PIK3CG: variants seen among roughly 807,000 people sequenced by gnomAD.
PIK3CG encodes phosphatidylinositol 4,5-bisphosphate 3-kinase catalytic subunit gamma isoform.
PIK3CG carries 55 observed loss-of-function variants against 102.3 expected under a neutral mutation model. The observed-to-expected ratio is 0.54, with a 90% CI of 0.43 to 0.67. The LOEUF (loss-of-function observed/expected upper bound fraction) is 0.67. Among genes scored for constraint, PIK3CG ranks in the 30% least tolerant of loss-of-function variants. PIK3CG has a pLI of 0.00. For synonymous variants in PIK3CG, 552 were observed against 540.0 expected (o/e 1.02, Z -0.31); for missense variants, 1,258 against 1,391.8 (o/e 0.90, Z 1.53).
At position 106,891,272 on chromosome 7, in the gene PIK3CG, C is replaced by T. The variant is rs1791255836; in HGVS notation, c.3030+4980C>T. Among the ~76,000 whole-genome samples, 1 of 152,208 alleles carries T rather than the reference C, an allele frequency of 6.6e-6. No homozygotes were observed. Among genetic ancestry groups the T allele is most frequent in the Non-Finnish European group, 1.5e-5 (1 of 68,038 alleles). On this transcript the variant is annotated intron_variant, in intron 10 of 10. Transcript: ENST00000496166. This position sits in a 1 kb window ranked among gnomAD's most constrained non-coding sequence, Gnocchi z 4.4. ...GTATTCTGTGAGTTTCACAATAACT[C>T]AGGCCCAGATTGACAGACCATCATC...
rs1790439832 is a variant in PIK3CG, at chr7:106,869,158, C to G, written c.1597C>G (p.Gln533Glu). 3.1e-6 allele frequency: 5 copies of G among 1,614,228 alleles called. No homozygotes were observed. The African/African-American group carries it at 5.3e-5, about 17-fold the overall frequency. The change falls in exon 2 of 11, where the codon CAG becomes GAG. Residue 533 changes from glutamine (Q) to glutamate (E), a missense_variant. Physicochemically the swap from Gln to Glu is conservative, Grantham distance 29 (BLOSUM62 2). Coordinates refer to ENST00000496166, the MANE Select transcript of PIK3CG (RefSeq NM_001282426.2). This position sits in a 1 kb window ranked among gnomAD's most constrained non-coding sequence, Gnocchi z 5.3. ...YCHPIALPKH[Q>E]PTPDPEGDRV... Reference sequence around the variant, plus strand: ...CCACCCGATAGCCCTGCCTAAGCATCAGCCCACCCCTGACCCGGAAGGGGA... The same window carrying G: ...CCACCCGATAGCCCTGCCTAAGCATGAGCCCACCCCTGACCCGGAAGGGGA...
rs778089446 is a variant in PIK3CG, at chr7:106,869,167, C to T, written c.1606C>T (p.Pro536Ser). Reference sequence around the variant, plus strand: ...AGCCCTGCCTAAGCATCAGCCCACCCCTGACCCGGAAGGGGACCGGGTTCG... The same window carrying T: ...AGCCCTGCCTAAGCATCAGCCCACCTCTGACCCGGAAGGGGACCGGGTTCG... ...PIALPKHQPT[P>S]DPEGDRVRAE... The change falls in exon 2 of 11, where the codon CCT (proline) becomes TCT (serine). Residue 536 changes from proline (P) to serine (S), a missense_variant. Pro to Ser is a moderately conservative substitution (Grantham distance 74, BLOSUM62 -1). Coordinates refer to ENST00000496166, the MANE Select transcript of PIK3CG (RefSeq NM_001282426.2). The surrounding 1 kb of genome is among the most constrained non-coding windows in gnomAD (Gnocchi z 5.3). 6.2e-7 allele frequency: 1 copy of T among 1,614,194 alleles called. No homozygotes were observed. The highest frequency in any genetic ancestry group is 8.5e-7 in the Non-Finnish European group (1 of 1,180,032).
chr7:106,867,902 A>G lies in PIK3CG; in HGVS notation c.341A>G (p.Gln114Arg), dbSNP rs2116425165. Residue 114 changes from glutamine to arginine, a missense_variant, in exon 2 of 11, where the codon CAG becomes CGG. Coordinates refer to ENST00000496166, the MANE Select transcript of PIK3CG (RefSeq NM_001282426.2). The surrounding 1 kb of genome is among the most constrained non-coding windows in gnomAD (Gnocchi z 5.1). Reference sequence around the variant, plus strand: ...TGGTACGAGATCTACGACAAGTACCAGGTGGTGCAGACTCTGGACTGCCTG... The same window carrying G: ...TGGTACGAGATCTACGACAAGTACCGGGTGGTGCAGACTCTGGACTGCCTG... Reference protein sequence around the residue: ...GQWYEIYDKYQVVQTLDCLRY... With the variant: ...GQWYEIYDKYRVVQTLDCLRY... The G allele has an allele frequency of 6.2e-7, 1 of 1,613,258 alleles. No homozygotes were observed. Among genetic ancestry groups the G allele is most frequent in the Non-Finnish European group, 8.5e-7 (1 of 1,179,956 alleles).
intron 10 of PIK3CG, among the ~76,000 whole-genome samples, chr7:106,887,870 A>G (rs999282585): frequency 2.7e-5 from 4 of 150,548 alleles, no homozygotes; most frequent in African/African-American, 7.3e-5. Context: ...CAAACAGAGC[A>G]GCAATGAACT....
At position 106,907,527 on chromosome 7, in the gene PIK3CG, T is replaced by C. The variant is rs1328161792; in HGVS notation, c.*2140T>C. 6.6e-6 allele frequency among the ~76,000 whole-genome samples: 1 copy of C among 152,030 alleles called. No homozygotes were observed. Among genetic ancestry groups the C allele is most frequent in the Non-Finnish European group, 1.5e-5 (1 of 68,014 alleles). ...AAAGGCAGGAAGAGTACTTTCTAAT[T>C]CAGAAGAGGATGTTTTCACTATTCT... On this transcript the variant is annotated 3_prime_UTR_variant, in exon 11 of 11. Coordinates refer to ENST00000496166, the MANE Select transcript of PIK3CG (RefSeq NM_001282426.2).
chr7:106,887,925 C>T (rs1339933098), intron 10 of PIK3CG, among the ~76,000 whole-genome samples: 1 of 141,636 alleles, frequency 7.1e-6, no homozygotes, highest in African/African-American at 2.6e-5. Flanking sequence ...GCCTCATTGA[C>T]GACTCTCCTT....
rs1790997379 is a variant in PIK3CG at position 106,883,307 on chromosome 7, G to A, written c.2760+144G>A. The A allele has an allele frequency of 2.4e-6, 2 of 821,674 alleles. No individual in the cohort carries two copies. Among genetic ancestry groups the A allele is most frequent in the Non-Finnish European group, 3.9e-6 (2 of 519,040 alleles). 50.9% of individuals were successfully genotyped at this position (821,674 alleles called of 1,614,324 possible). Reference sequence around the variant, plus strand: ...GTTTTTTACTTGTGAAATAATGGAGGTTTTAAGTACCCTCCCGTGGTGACA... The same window carrying A: ...GTTTTTTACTTGTGAAATAATGGAGATTTTAAGTACCCTCCCGTGGTGACA... On this transcript the variant is annotated intron_variant, in intron 8 of 10. Coordinates refer to ENST00000496166, the MANE Select transcript of PIK3CG (RefSeq NM_001282426.2). The surrounding 1 kb of genome is among the most constrained non-coding windows in gnomAD (Gnocchi z 5.8).
At chr7:106,882,916 T>TCAAA (rs894798783) in intron 7 of PIK3CG, 117 bp from the exon 8 acceptor site, 1 of 578,496 alleles carries the variant, frequency 1.7e-6, no homozygotes, top group African/African-American at 3.4e-5. Flanking sequence ...AGCTCTCTGG[T>TCAAA]CAAAAAAAAA....
At position 106,888,679 on chromosome 7, in the gene PIK3CG, C is replaced by T. The variant is rs7785112; in HGVS notation, c.3030+2387C>T. Among the ~76,000 whole-genome samples the T allele has an allele frequency of 8.3e-3, 1,262 of 152,264 alleles. 24 individuals carry two copies. Among genetic ancestry groups the T allele is most frequent in the African/African-American group, 0.029 (1,195 of 41,542 alleles). On this transcript the variant is annotated intron_variant, in intron 10 of 10. Coordinates refer to ENST00000496166, the MANE Select transcript of PIK3CG (RefSeq NM_001282426.2). ...TACATTTGTTGTACTTGTGTGTGTC[C>T]GTGTTTTGGAGTACTGTTAAACATA...
At position 106,887,198 on chromosome 7, in the gene PIK3CG, ATAACT is replaced by A. The variant is rs1024430092; in HGVS notation, c.3030+910_3030+914del. On this transcript the variant is annotated intron_variant, in intron 10 of 10. Coordinates refer to ENST00000496166, the MANE Select transcript of PIK3CG (RefSeq NM_001282426.2). ...AGAGAATTAAATACTGGCAAAATTA[ATAACT>A]TAATGAACATAATTCATAACAGTTG... Among the ~76,000 whole-genome samples, 16 of 152,358 alleles carry A rather than the reference ATAACT, an allele frequency of 1.1e-4. No individual in the cohort carries two copies. The East Asian group carries it at 2.1e-3, about 20-fold the overall frequency.
intron 10 of PIK3CG, among the ~76,000 whole-genome samples, chr7:106,900,624 G>A (rs895753024): frequency 2.0e-5 from 3 of 152,126 alleles, no homozygotes; most frequent in African/African-American, 7.2e-5. Context: ...TACTATGTTA[G>A]CTTGTTTGTG....
chr7:106,869,139 G>T lies in PIK3CG; in HGVS notation c.1578G>T (p.Pro526=), dbSNP rs778338416. The change falls in exon 2 of 11, where the codon CCG becomes CCT. Residue 526 remains proline (P), a synonymous_variant. Coordinates refer to ENST00000496166, the MANE Select transcript of PIK3CG (RefSeq NM_001282426.2). This position sits in a 1 kb window ranked among gnomAD's most constrained non-coding sequence, Gnocchi z 5.3. The part of the protein sequence containing the change: ...ISILLDNYCH[P]IALPKHQPTP... ...TTCTTCTGGACAATTACTGCCACCC[G>T]ATAGCCCTGCCTAAGCATCAGCCCA... is the stretch of plus-strand genomic sequence containing the variant. The T allele has an allele frequency of 1.9e-6, 3 of 1,614,184 alleles. No homozygotes were observed. The highest frequency in any genetic ancestry group is 2.5e-6 in the Non-Finnish European group (3 of 1,180,044).
At chr7:106,873,150 T>G (rs1370965523) in intron 4 of PIK3CG, among the ~76,000 whole-genome samples, 1 of 152,232 alleles carries the variant, frequency 6.6e-6, no homozygotes, top group African/African-American at 2.4e-5. Context: ...TTACATATTC[T>G]TAACTGAAAA....
intron 4 of PIK3CG, among the ~76,000 whole-genome samples, chr7:106,873,507 C>T (rs901942968): frequency 1.1e-4 from 17 of 152,154 alleles, no homozygotes; most frequent in Admixed American, 7.9e-4. Flanking sequence ...ATTCCCTAAA[C>T]AGTACAGTGT....
intron 10 of PIK3CG, among the ~76,000 whole-genome samples, chr7:106,888,384 C>T (rs1372237644): frequency 6.6e-6 from 1 of 152,150 alleles, no homozygotes; most frequent in Non-Finnish European, 1.5e-5. Context: ...CAGTACTTCT[C>T]TTTTTTTGCT....
Position 106,903,738 on chromosome 7 carries a change from ATTTTATTT to A in PIK3CG, c.3031-1366_3031-1359del, listed in dbSNP as rs1205295298. On this transcript the variant is annotated intron_variant, in intron 10 of 10. Transcript: ENST00000496166. The surrounding 1 kb of genome is among the most constrained non-coding windows in gnomAD (Gnocchi z 4.3). ...TAATAAGTTTTCCTTCACTTTTCTG[ATTTTATTT>A]TTTTTATTTATTTATTTATTTATTT... Among the ~76,000 whole-genome samples the A allele has an allele frequency of 3.4e-5, 3 of 89,116 alleles. No individual in the cohort carries two copies. Among genetic ancestry groups the A allele is most frequent in the Admixed American group, 1.6e-4 (1 of 6,074 alleles). 58.5% of individuals were successfully genotyped at this position (89,116 alleles called of 152,430 possible). A position where few individuals can be genotyped will look rare whatever the true frequency, so the allele number is the denominator to read the frequency against.
At position 106,874,813 on chromosome 7, in the gene PIK3CG, A is replaced by C. The variant is rs572848150; in HGVS notation, c.2391+10A>C. On this transcript the variant is annotated intron_variant, in intron 5 of 10. Coordinates refer to ENST00000496166, the MANE Select transcript of PIK3CG (RefSeq NM_001282426.2). This position sits in a 1 kb window ranked among gnomAD's most constrained non-coding sequence, Gnocchi z 4.3. The stretch of plus-strand genomic sequence containing the variant: ...AGCAGGAGCGCTGGCAGTAGGTATC[A>C]CTTGGATGTCTCCATGTGGTCTTTA... 11 of 1,563,652 alleles carry C rather than the reference A, an allele frequency of 7.0e-6. No individual in the cohort carries two copies. In the Admixed American group the frequency reaches 1.8e-4, roughly 26 times the overall value.
chr7:106,871,227 G>A (rs1321106249), intron 2 of PIK3CG, among the ~76,000 whole-genome samples: 2 of 152,214 alleles, frequency 1.3e-5, no homozygotes, highest in Non-Finnish European at 2.9e-5. Context: ...GATCTGCACT[G>A]TCTTTACAGA....
In PIK3CG at chr7:106,874,581, C is replaced by A; in HGVS notation, c.2288-119C>A. 1.4e-6 allele frequency: 1 copy of A among 732,014 alleles called. No homozygotes were observed. The allele number at this position is 732,014 out of a possible 1,614,324, so 45.3% of individuals were successfully genotyped here. On this transcript the variant is annotated intron_variant, in intron 4 of 10. Transcript: ENST00000496166. The surrounding 1 kb of genome is among the most constrained non-coding windows in gnomAD (Gnocchi z 4.3). Reference sequence around the variant, plus strand: ...GCAGGGCCCACCCACATTTCTCCTGCTCTACACCAGAACAAATATATAGAA... The same window carrying A: ...GCAGGGCCCACCCACATTTCTCCTGATCTACACCAGAACAAATATATAGAA...
Sources: gnomAD v4.1 joint callset for allele counts (sites outside exome capture counted in the v4.1 genomes callset) on GRCh38, gnomAD v4.1.1 for gene constraint, Gnocchi (gnomAD v3.1) non-coding constraint, MANE v1.5 for transcripts, NCBI Gene and HGNC (gene_info 2026-07-23, HGNC 2026-07-21) for gene names.